Variants in PARD3 observed in about 807,000 individuals in gnomAD.
PARD3 encodes the protein partitioning defective 3 homolog.
A neutral mutation model predicts 155.4 loss-of-function variants in PARD3; 75 were observed. That is an observed-to-expected ratio of 0.48 (90% CI 0.40 to 0.58). PARD3 has a LOEUF of 0.58. PARD3 is among the 20% of genes least tolerant of loss of function. The probability of loss-of-function intolerance (pLI) is 0.00; values close to 1 mark genes in which losing one functional copy is unlikely to be tolerated. For synonymous variants in PARD3, 576 were observed against 610.5 expected, an observed-to-expected ratio of 0.94 and a Z score of 0.83; for missense variants, 1,642 against 1,721.7, an observed-to-expected ratio of 0.95 and a Z score of 0.82.
intron 2 of PARD3, among the ~76,000 whole-genome samples, chr10:34,519,215 G>A (rs1006707800): frequency 6.6e-6 from 1 of 152,076 alleles, no homozygotes; most frequent in Admixed American, 6.6e-5. Flanking sequence ...GATAGAAAAA[G>A]GGCATTAGTG....
intron 22 of PARD3, among the ~76,000 whole-genome samples, chr10:34,191,015 TAAC>T (rs985974692): frequency 6.6e-6 from 1 of 151,838 alleles, no homozygotes; most frequent in Non-Finnish European, 1.5e-5. Context: ...GGAAAAAACT[TAAC>T]AAGGGAGCAT....
intron 13 of PARD3, 42 bp downstream of exon 13, chr10:34,360,029 A>G (rs1379967658): frequency 6.7e-7 from 1 of 1,492,398 alleles, no homozygotes; most frequent in Admixed American, 1.8e-5. Flanking sequence ...TGAAATTAAA[A>G]TTTTTGTTAA....
At chr10:34,293,505 T>A (rs900234647) in intron 20 of PARD3, among the ~76,000 whole-genome samples, 1 of 152,180 alleles carries the variant, frequency 6.6e-6, no homozygotes, top group Non-Finnish European at 1.5e-5. Flanking sequence ...ACTTTAAATA[T>A]AGTAAAAGCA....
chr10:34,561,318 T>C (rs907228962), intron 2 of PARD3, among the ~76,000 whole-genome samples: 1 of 152,180 alleles, frequency 6.6e-6, no homozygotes, highest in Non-Finnish European at 1.5e-5. Flanking sequence ...ATGGGAATCT[T>C]ATCTTGTTAA....
At chr10:34,261,754 AAGAAAGG>A (rs1564528023) in intron 22 of PARD3, among the ~76,000 whole-genome samples, 1 of 86,278 alleles carries the variant, frequency 1.2e-5, no homozygotes, top group East Asian at 2.7e-4. Flanking sequence ...GAAAGGAAGG[AAGAAAGG>A]AAGGAAGGAA....
chr10:34,753,163 G>A (rs1438978012), intron 1 of PARD3, among the ~76,000 whole-genome samples: 1 of 152,222 alleles, frequency 6.6e-6, no homozygotes, highest in Non-Finnish European at 1.5e-5. Context: ...ATTGCTGTGT[G>A]TACAAACGAA....
intron 22 of PARD3, among the ~76,000 whole-genome samples, chr10:34,210,467 T>G (rs1048783679): frequency 1.3e-5 from 2 of 152,208 alleles, no homozygotes; most frequent in Non-Finnish European, 2.9e-5. Context: ...CACCACCTTC[T>G]GCACTGGAGC....
chr10:34,298,556 C>T (rs987413905), intron 20 of PARD3, among the ~76,000 whole-genome samples: 1 of 152,172 alleles, frequency 6.6e-6, no homozygotes, highest in South Asian at 2.1e-4. Flanking sequence ...CTCATAGAGA[C>T]AGAAAGTAAA....
chr10:34,151,096 T>C (rs1474823970), intron 22 of PARD3, among the ~76,000 whole-genome samples: 1 of 152,214 alleles, frequency 6.6e-6, no homozygotes, highest in Admixed American at 6.5e-5. Flanking sequence ...AAGAGATTTT[T>C]CAAAGAAAGC....
chr10:34,666,814 T>TATAC lies in PARD3; in HGVS notation c.222+29500_222+29503dup, dbSNP rs1554804667. 6.7e-3 allele frequency among the ~76,000 whole-genome samples: 617 copies of TATAC among 92,078 alleles called. 8 individuals are homozygous for TATAC. Among genetic ancestry groups the TATAC allele is most frequent in the African/African-American group, 0.028 (570 of 20,574 alleles). The allele number at this position is 92,078 out of a possible 152,430, so 60.4% of individuals were successfully genotyped here. ...AAAAAAAAATATATATATATATATATATACACACACACACACACACACAAA... is the reference window on the plus strand; with the variant it reads ...AAAAAAAAATATATATATATATATATATACATACACACACACACACACACACAAA... On this transcript the variant is annotated intron_variant, in intron 2 of 24. Coordinates refer to ENST00000374788, the MANE Select transcript of PARD3 (RefSeq NM_001184785.2).
chr10:34,193,352 T>A (rs374233481), intron 22 of PARD3, among the ~76,000 whole-genome samples: 16 of 152,220 alleles, frequency 1.1e-4, no homozygotes, highest in Admixed American at 3.3e-4. Flanking sequence ...AAACAAACAG[T>A]GCATTTTTTC....
intron 22 of PARD3, among the ~76,000 whole-genome samples, chr10:34,196,462 T>G (rs1451766181): frequency 6.6e-6 from 1 of 152,180 alleles, no homozygotes; most frequent in African/African-American, 2.4e-5. Flanking sequence ...GCTCCCATCT[T>G]AAATTGAACA....
chr10:34,540,011 A>G (rs1023475037), intron 2 of PARD3, among the ~76,000 whole-genome samples: 1 of 152,162 alleles, frequency 6.6e-6, no homozygotes, highest in Non-Finnish European at 1.5e-5. Flanking sequence ...GTTCTAGAAA[A>G]CCACACCAAG....
chr10:34,657,098 T>A (rs545618734), intron 2 of PARD3, among the ~76,000 whole-genome samples: 1 of 152,084 alleles, frequency 6.6e-6, no homozygotes. Context: ...GCCTTGGCAA[T>A]TGCATAAATA....
chr10:34,717,538 C>T (rs574061166), intron 1 of PARD3, among the ~76,000 whole-genome samples: 2 of 152,330 alleles, frequency 1.3e-5, no homozygotes, highest in South Asian at 4.1e-4. Flanking sequence ...TCACCCAGAA[C>T]AGCTTTCCAA....
At chr10:34,584,305 T>A (rs374609632) in intron 2 of PARD3, among the ~76,000 whole-genome samples, 5 of 152,306 alleles carry the variant, frequency 3.3e-5, no homozygotes, top group South Asian at 4.1e-4. Flanking sequence ...ATTACAATGC[T>A]AAAGTCTTTC....
At chr10:34,740,761 T>C (rs7476052) in intron 1 of PARD3, among the ~76,000 whole-genome samples, 35,313 of 151,866 alleles carry the variant, frequency 0.23, 5,377 homozygotes, top group East Asian at 0.53. Context: ...CAACAAAAAA[T>C]TGACGTATAT....
At chr10:34,415,389 G>C (rs1188714290) in intron 5 of PARD3, among the ~76,000 whole-genome samples, 1 of 152,126 alleles carries the variant, frequency 6.6e-6, no homozygotes, top group African/African-American at 2.4e-5. Context: ...GTTCGCAGAA[G>C]ATCAATAAAT....
chr10:34,447,245 T>G (rs2076785466), intron 5 of PARD3, among the ~76,000 whole-genome samples: 1 of 151,756 alleles, frequency 6.6e-6, no homozygotes, highest in Non-Finnish European at 1.5e-5. Context: ...TTTGGGAGGC[T>G]GAGGCAGGTG....
Sources: allele counts gnomAD v4.1 joint callset (sites outside exome capture counted in the v4.1 genomes callset), GRCh38; gene constraint gnomAD v4.1.1; transcripts MANE v1.5; gene names NCBI Gene and HGNC (gene_info 2026-07-23, HGNC 2026-07-21).